CAMK2D: variants seen among roughly 807,000 people sequenced by gnomAD.
CAMK2D encodes the protein calcium/calmodulin-dependent protein kinase type II subunit delta.
In CAMK2D, 37 loss-of-function variants were observed where a neutral mutation model predicts 84.0. The observed-to-expected ratio is 0.44, with a 90% CI of 0.34 to 0.58. CAMK2D has a LOEUF of 0.58. CAMK2D is among the 20% of genes least tolerant of loss of function. The pLI is 0.02. For missense variants in CAMK2D, 448 were observed against 652.5 expected (o/e 0.69, Z 3.41); for synonymous variants, 202 against 212.5 (o/e 0.95, Z 0.43).
chr4:113,599,163 T>G (rs1017243605), intron 4 of CAMK2D, among the ~76,000 whole-genome samples: 1 of 152,118 alleles, frequency 6.6e-6, no homozygotes, highest in Non-Finnish European at 1.5e-5. Flanking sequence ...CAACACCAAA[T>G]GCTGGTGAGA....
In CAMK2D at chr4:113,454,526, A is replaced by G. The variant is rs1229614863; in HGVS notation, c.*30-11T>C. 1.3e-6 allele frequency: 1 copy of G among 778,416 alleles called. No individual in the cohort carries two copies. 48.2% of individuals were successfully genotyped at this position (778,416 alleles called of 1,614,324 possible). ...ACTGTTGAAATTTAGCTGAAAGGAGAAAGGGGGAGGAAGAAATAAATTATA... is the reference window on the plus strand; with the variant it reads ...ACTGTTGAAATTTAGCTGAAAGGAGGAAGGGGGAGGAAGAAATAAATTATA... On this transcript the variant is annotated splice_polypyrimidine_tract_variant and intron_variant, in intron 20 of 20. Transcript: ENST00000511664.
At chr4:113,760,859 T>G (rs2149193730) in intron 1 of CAMK2D, 145 bp downstream of exon 1, 1 of 963,046 alleles carries the variant, frequency 1.0e-6, no homozygotes, top group Admixed American at 2.0e-5. Flanking sequence ...AGACAGCACC[T>G]TCCCCAGAGC....
chr4:113,614,549 C>T (rs2099013842), intron 3 of CAMK2D, among the ~76,000 whole-genome samples: 2 of 152,106 alleles, frequency 1.3e-5, no homozygotes, highest in Non-Finnish European at 1.5e-5. Flanking sequence ...GACAAGAGGC[C>T]ACATGAAGAG....
At chr4:113,557,216 C>G (rs146365485) in intron 4 of CAMK2D, among the ~76,000 whole-genome samples, 2,564 of 152,202 alleles carry the variant, frequency 0.017, 33 homozygotes, top group Middle Eastern at 0.054. Context: ...TGCCCCCCAG[C>G]CCCCATATCA....
intron 16 of CAMK2D, among the ~76,000 whole-genome samples, chr4:113,478,417 T>C (rs995485996): frequency 2.6e-5 from 4 of 152,232 alleles, no homozygotes; most frequent in Admixed American, 1.3e-4. Context: ...ACACATTTCA[T>C]GTTTATTAAC....
At chr4:113,555,169 C>G (rs2098656285) in intron 4 of CAMK2D, among the ~76,000 whole-genome samples, 1 of 152,078 alleles carries the variant, frequency 6.6e-6, no homozygotes, top group Non-Finnish European at 1.5e-5. Flanking sequence ...AAAATTTCAT[C>G]AGTAATAGAT....
At chr4:113,638,941 A>G (rs2099120765) in intron 3 of CAMK2D, among the ~76,000 whole-genome samples, 1 of 152,110 alleles carries the variant, frequency 6.6e-6, no homozygotes, top group Non-Finnish European at 1.5e-5. Context: ...TCAGAAAAAA[A>G]TAATAAATAT....
intron 2 of CAMK2D, among the ~76,000 whole-genome samples, chr4:113,743,852 T>G (rs2099598491): frequency 6.6e-6 from 1 of 152,154 alleles, no homozygotes; most frequent in Non-Finnish European, 1.5e-5. Flanking sequence ...CCTACTTTTT[T>G]TTTTTGAGAT....
chr4:113,757,174 C>T (rs935550193), intron 2 of CAMK2D, among the ~76,000 whole-genome samples: 2 of 152,120 alleles, frequency 1.3e-5, no homozygotes, highest in Non-Finnish European at 2.9e-5. Context: ...ACGTAGTTCT[C>T]ACAGCTAAAT....
chr4:113,537,670 G>T (rs890075296), intron 6 of CAMK2D, among the ~76,000 whole-genome samples: 1 of 152,158 alleles, frequency 6.6e-6, no homozygotes, highest in Non-Finnish European at 1.5e-5. Flanking sequence ...GAGATACTGG[G>T]TAGAAGAGAG....
At position 113,748,299 on chromosome 4, in the gene CAMK2D, T is replaced by C. The variant is rs180742134; in HGVS notation, c.160+11021A>G. 3.3e-5 allele frequency among the ~76,000 whole-genome samples: 5 copies of C among 150,646 alleles called. No individual in the cohort carries two copies. The East Asian group carries it at 9.6e-4, about 29-fold the overall frequency. Reference sequence around the variant, plus strand: ...GACCAGAACATGGTGAATAAGCATTTTTTGTTAAATTGAAGTTAAAATTTA... The same window carrying C: ...GACCAGAACATGGTGAATAAGCATTCTTTGTTAAATTGAAGTTAAAATTTA... On this transcript the variant is annotated intron_variant, in intron 2 of 20. Coordinates refer to ENST00000511664, the MANE Select transcript of CAMK2D (RefSeq NM_001321571.2).
At chr4:113,589,983 T>C (rs2098856966) in intron 4 of CAMK2D, among the ~76,000 whole-genome samples, 1 of 152,206 alleles carries the variant, frequency 6.6e-6, no homozygotes, top group African/African-American at 2.4e-5. Context: ...AAATTACCTC[T>C]ATGATATTTT....
Position 113,584,972 on chromosome 4 carries a change from A to C in CAMK2D, c.275+24180T>G, listed in dbSNP as rs530556625. Among the ~76,000 whole-genome samples, 18 of 152,290 alleles carry C rather than the reference A, an allele frequency of 1.2e-4. No homozygotes were observed. In the East Asian group the frequency reaches 2.1e-3, roughly 18 times the overall value. ...GCTGAAGCTGGGAACCAGAGGGCTG[A>C]GTCACTCTCCCCTGCTGTTTATCCG... On this transcript the variant is annotated intron_variant, in intron 4 of 20. Coordinates refer to ENST00000511664, the MANE Select transcript of CAMK2D (RefSeq NM_001321571.2).
At chr4:113,752,317 T>C (rs539383793) in intron 2 of CAMK2D, among the ~76,000 whole-genome samples, 12 of 152,138 alleles carry the variant, frequency 7.9e-5, no homozygotes, top group African/African-American at 2.4e-4. Flanking sequence ...ACAGGAAACC[T>C]ATTGTAAAAC....
intron 3 of CAMK2D, among the ~76,000 whole-genome samples, chr4:113,617,950 T>C (rs2099028782): frequency 6.6e-6 from 1 of 151,318 alleles, no homozygotes; most frequent in Non-Finnish European, 1.5e-5. Flanking sequence ...CACACACATA[T>C]ATATATATAA....
rs2098251125 is a variant in CAMK2D at position 113,513,922 on chromosome 4, A to G, written c.820-9T>C. ...GCAACAGTAGAACGTTGCTAGAAGA[A>G]GAGGAGAAAAAGTAACTTAATTGAG... On this transcript the variant is annotated splice_polypyrimidine_tract_variant and intron_variant, in intron 10 of 20. Coordinates refer to ENST00000511664, the MANE Select transcript of CAMK2D (RefSeq NM_001321571.2). The G allele has an allele frequency of 7.0e-7, 1 of 1,432,638 alleles. No homozygotes were observed. The highest frequency in any genetic ancestry group is 9.7e-7 in the Non-Finnish European group (1 of 1,026,686). The allele number at this position is 1,432,638 out of a possible 1,614,324, so 88.7% of individuals were successfully genotyped here.
At chr4:113,596,592 C>G (rs940255256) in intron 4 of CAMK2D, among the ~76,000 whole-genome samples, 1 of 152,150 alleles carries the variant, frequency 6.6e-6, no homozygotes, top group African/African-American at 2.4e-5. Context: ...CAACAATCAT[C>G]TCTTTGTACA....
chr4:113,645,987 G>A (rs1265716521), intron 3 of CAMK2D, among the ~76,000 whole-genome samples: 3 of 152,190 alleles, frequency 2.0e-5, no homozygotes, highest in Non-Finnish European at 4.4e-5. Context: ...GGAAGGTCAG[G>A]CAGTAAAAAG....
At chr4:113,580,701 T>C (rs28456003) in intron 4 of CAMK2D, among the ~76,000 whole-genome samples, 110,174 of 151,964 alleles carry the variant, frequency 0.73, 40,228 homozygotes, top group Middle Eastern at 0.78. Flanking sequence ...GAAGGCTTAT[T>C]ATCTGTAAAA....
Sources: gnomAD v4.1 joint callset for allele counts (sites outside exome capture counted in the v4.1 genomes callset) on GRCh38, gnomAD v4.1.1 for gene constraint, MANE v1.5 for transcripts, NCBI Gene and HGNC (gene_info 2026-07-23, HGNC 2026-07-21) for gene names.